COL5A2: variants seen among roughly 807,000 people sequenced by gnomAD.
The protein encoded by COL5A2 is collagen alpha-2(V) chain.
In COL5A2, 23 loss-of-function variants were observed where a neutral mutation model predicts 208.2. The ratio of observed to expected loss-of-function variants is 0.11; its 90% CI spans 0.08 to 0.16. The LOEUF (loss-of-function observed/expected upper bound fraction) is 0.16. Ranked by LOEUF, COL5A2 falls within the 10% of genes least tolerant of loss-of-function variation. COL5A2 has a pLI of 1.00. For missense variants in COL5A2, 1,590 were observed against 1,956.4 expected (o/e 0.81, Z 3.53); for synonymous variants, 625 against 628.5 (o/e 0.99, Z 0.08).
At chr2:189,264,550 G>A in the COL5A2 span, among the ~76,000 whole-genome samples, 3 of 152,168 alleles carry the variant, frequency 2.0e-5, no homozygotes, top group Middle Eastern at 3.4e-3. Flanking sequence ...AAACCATAAA[G>A]AAAAGCAAAG....
chr2:189,093,035 C>CA (rs1193672988), intron 6 of COL5A2, among the ~76,000 whole-genome samples: 3 of 152,282 alleles, frequency 2.0e-5, no homozygotes, highest in African/African-American at 4.8e-5. Flanking sequence ...TTCCCACCCC[C>CA]AGAGGAAGAC....
chr2:189,272,870 C>T, the COL5A2 span, among the ~76,000 whole-genome samples: 10 of 152,136 alleles, frequency 6.6e-5, no homozygotes, highest in South Asian at 1.0e-3. Flanking sequence ...ATTTCAGAAA[C>T]GAAGAAAACC....
chr2:189,226,153 T>G (rs1463926172), upstream of COL5A2, among the ~76,000 whole-genome samples: 2 of 152,166 alleles, frequency 1.3e-5, no homozygotes, highest in Non-Finnish European at 2.9e-5. Context: ...TGTCTACATC[T>G]CCTAGCTATT....
Position 189,045,199 on chromosome 2 carries a change from C to G in COL5A2, c.3343G>C (p.Ala1115Pro), listed in dbSNP as rs748601646. The G allele has an allele frequency of 6.5e-5, 104 of 1,605,560 alleles. No individual in the cohort carries two copies. Among genetic ancestry groups the G allele is most frequent in the Non-Finnish European group, 8.8e-5 (103 of 1,176,394 alleles). ...CTTACAGGTAATCCACGTTTCCCAG[C>G]TCGACCAGGTGGTCCTATAGGACCC... ...SRGPIGPPGR[A>P]GKRGLPGPQG... is the part of the protein sequence containing the mutation. Residue 1115 changes from alanine to proline, a missense_variant, in exon 47 of 54, where the codon GCT becomes CCT. Transcript: ENST00000374866.
At chr2:189,362,004 T>C in the COL5A2 span, among the ~76,000 whole-genome samples, 1 of 152,274 alleles carries the variant, frequency 6.6e-6, no homozygotes, top group East Asian at 1.9e-4. Context: ...TTTTAATAAT[T>C]TTGCCTTTTA....
intron 1 of COL5A2, among the ~76,000 whole-genome samples, chr2:189,130,774 A>G (rs911273124): frequency 6.6e-6 from 1 of 152,058 alleles, no homozygotes; most frequent in African/African-American, 2.4e-5. Context: ...CTTTTACACA[A>G]GTGCCTGTGA....
the COL5A2 span, among the ~76,000 whole-genome samples, chr2:189,401,436 G>A: frequency 6.6e-6 from 1 of 152,108 alleles, no homozygotes; most frequent in Non-Finnish European, 1.5e-5. Flanking sequence ...TGGCATATAT[G>A]TACTACATTT....
chr2:189,226,251 C>T (rs1689417215), upstream of COL5A2, among the ~76,000 whole-genome samples: 1 of 152,100 alleles, frequency 6.6e-6, no homozygotes, highest in South Asian at 2.1e-4. Context: ...ATGTAAATAG[C>T]AAAACCTAAT....
chr2:189,088,658 C>T (rs1686717147), intron 8 of COL5A2, 37 bp downstream of exon 8: 1 of 1,485,696 alleles, frequency 6.7e-7, no homozygotes, highest in Non-Finnish European at 9.4e-7. Flanking sequence ...ATTTTTTTCA[C>T]TGAAGTACTT....
chr2:189,265,364 G>A, the COL5A2 span, among the ~76,000 whole-genome samples: 1 of 152,098 alleles, frequency 6.6e-6, no homozygotes, highest in Non-Finnish European at 1.5e-5. Flanking sequence ...GGTCAAAGGA[G>A]CCCCCTTCCT....
At chr2:189,260,369 C>T in the COL5A2 span, among the ~76,000 whole-genome samples, 1 of 152,158 alleles carries the variant, frequency 6.6e-6, no homozygotes, top group African/African-American at 2.4e-5. Context: ...ATTTGGGTAG[C>T]CCAGTGACTG....
chr2:189,388,621 G>A, the COL5A2 span, among the ~76,000 whole-genome samples: 7 of 152,122 alleles, frequency 4.6e-5, no homozygotes, highest in African/African-American at 1.7e-4. Context: ...GATTTTAAAA[G>A]GTCATCATTG....
intron 1 of COL5A2, among the ~76,000 whole-genome samples, chr2:189,177,405 A>C (rs556368378): frequency 5.7e-4 from 87 of 152,322 alleles, no homozygotes; most frequent in African/African-American, 2.0e-3. Context: ...TACAATATCA[A>C]CTTAAACCAA....
chr2:189,248,149 G>A, the COL5A2 span, among the ~76,000 whole-genome samples: 1 of 152,144 alleles, frequency 6.6e-6, no homozygotes, highest in Admixed American at 6.5e-5. Context: ...GCCACAAAAC[G>A]TTATAGTTTC....
the COL5A2 span, among the ~76,000 whole-genome samples, chr2:189,425,313 AT>A: frequency 6.6e-6 from 1 of 152,236 alleles, no homozygotes; most frequent in Non-Finnish European, 1.5e-5. Flanking sequence ...AAATAAAAAA[AT>A]GAAACTATTA....
chr2:189,344,447 C>A, the COL5A2 span, among the ~76,000 whole-genome samples: 3 of 152,108 alleles, frequency 2.0e-5, no homozygotes, highest in Admixed American at 6.6e-5. Flanking sequence ...TGTTCAATAG[C>A]AATGAGGCTT....
rs548800602 is a variant in COL5A2 at position 189,144,668 on chromosome 2, A to G, written c.98-34219T>C. Among the ~76,000 whole-genome samples the G allele has an allele frequency of 6.0e-4, 92 of 152,186 alleles. 1 individual carries two copies. The highest frequency in any genetic ancestry group is 2.6e-3 in the Admixed American group (40 of 15,272). ...ACTTTTATCAGAGTTTTTTAATCCT[A>G]ATGAACTGGGAAGATGATAAGTGCT... On this transcript the variant is annotated intron_variant, in intron 1 of 53. Coordinates refer to ENST00000374866, the MANE Select transcript of COL5A2 (RefSeq NM_000393.5).
At position 189,072,112 on chromosome 2, in the gene COL5A2, A is replaced by G; in HGVS notation, c.1105-19T>C. 6.3e-7 allele frequency: 1 copy of G among 1,586,704 alleles called. No individual in the cohort carries two copies. Among genetic ancestry groups the G allele is most frequent in the Non-Finnish European group, 8.6e-7 (1 of 1,157,272 alleles). On this transcript the variant is annotated intron_variant, in intron 17 of 53. Transcript: ENST00000374866. ...GAGGACCCTATTAAAAGAAACCAGA[A>G]AAGTAATCAGACATGTATTCAATTA...
At chr2:189,057,666 G>A (rs79567524) in intron 33 of COL5A2, among the ~76,000 whole-genome samples, 6 of 152,174 alleles carry the variant, frequency 3.9e-5, no homozygotes, top group Non-Finnish European at 7.4e-5. Context: ...GCAATTGAAC[G>A]CTATTTCAAA....
Sources: allele counts gnomAD v4.1 joint callset (sites outside exome capture counted in the v4.1 genomes callset), GRCh38; gene constraint gnomAD v4.1.1; transcripts MANE v1.5; gene names NCBI Gene and HGNC (gene_info 2026-07-23, HGNC 2026-07-21).